SEMA3C: variants seen among roughly 807,000 people sequenced by gnomAD.
The protein encoded by SEMA3C is semaphorin-3C.
A neutral mutation model predicts 89.4 loss-of-function variants in SEMA3C; 47 were observed. The ratio of observed to expected loss-of-function variants is 0.53; its 90% CI spans 0.42 to 0.67. The LOEUF (loss-of-function observed/expected upper bound fraction) is 0.67. Ranked by LOEUF, SEMA3C falls within the 30% of genes least tolerant of loss-of-function variation. SEMA3C has a pLI of 0.00. For missense variants in SEMA3C, 839 were observed against 929.1 expected (o/e 0.90, Z 1.26); for synonymous variants, 310 against 320.2 (o/e 0.97, Z 0.34).
chr7:80,910,928 T>G (rs998955775), intron 2 of SEMA3C, among the ~76,000 whole-genome samples: 3 of 152,070 alleles, frequency 2.0e-5, no homozygotes, highest in African/African-American at 7.2e-5. Context: ...ATTTGCATAA[T>G]GAAATGAGGA....
intron 2 of SEMA3C, among the ~76,000 whole-genome samples, chr7:80,892,958 G>A (rs1583985431): frequency 6.6e-6 from 1 of 152,024 alleles, no homozygotes; most frequent in South Asian, 2.1e-4. Context: ...TTTCTTCATT[G>A]ATAAAGATAG....
rs112982957 is a variant in SEMA3C, at chr7:80,770,470, C to T, written c.1355-5227G>A. On this transcript the variant is annotated intron_variant, in intron 12 of 17. Transcript: ENST00000265361. ...CACCATGTCTATGATATGGTTACAG[C>T]GAAGCTGTCACTTCTTTTTTTCTTT... Among the ~76,000 whole-genome samples, 527 of 152,296 alleles carry T rather than the reference C, an allele frequency of 3.5e-3. 3 individuals are homozygous for T. The highest frequency in any genetic ancestry group is 0.012 in the African/African-American group (504 of 41,562).
intron 4 of SEMA3C, among the ~76,000 whole-genome samples, chr7:80,826,092 A>T (rs558595885): frequency 6.6e-6 from 1 of 152,244 alleles, no homozygotes; most frequent in Non-Finnish European, 1.5e-5. Context: ...TACCCTCCAG[A>T]GTCTTCCATG....
At chr7:80,861,894 C>T (rs145458789) in intron 2 of SEMA3C, among the ~76,000 whole-genome samples, 1 of 152,102 alleles carries the variant, frequency 6.6e-6, no homozygotes, top group Non-Finnish European at 1.5e-5. Flanking sequence ...ATCCAGCATC[C>T]CTTTATGATT....
chr7:80,827,510 G>A, intron 3 of SEMA3C, 23 bp from the exon 4 acceptor site: 3 of 1,586,148 alleles, frequency 1.9e-6, no homozygotes, highest in Non-Finnish European at 2.6e-6. Context: ...AAAAATAAAG[G>A]TTGCATAATC....
intron 15 of SEMA3C, among the ~76,000 whole-genome samples, chr7:80,751,775 T>C (rs541687760): frequency 2.0e-5 from 3 of 152,310 alleles, no homozygotes; most frequent in Non-Finnish European, 4.4e-5. Context: ...CAAAAGTCAA[T>C]GTTTTCTGTT....
intron 2 of SEMA3C, among the ~76,000 whole-genome samples, chr7:80,859,728 T>C (rs902594321): frequency 1.3e-5 from 2 of 152,154 alleles, no homozygotes; most frequent in African/African-American, 4.8e-5. Flanking sequence ...TTAGCTGTCT[T>C]TTGAGTCCAC....
At position 80,777,340 on chromosome 7, in the gene SEMA3C, A is replaced by C. The variant is rs542477598; in HGVS notation, c.1354+11966T>G. On this transcript the variant is annotated intron_variant, in intron 12 of 17. Transcript: ENST00000265361. ...GGCGTCTGGCTCTGTCACCCAAGCT[A>C]GAGTACAGTGGCACAATCTCAGCTC... 1.8e-4 allele frequency among the ~76,000 whole-genome samples: 27 copies of C among 152,142 alleles called. No homozygotes were observed. In the South Asian group the frequency reaches 4.8e-3, roughly 27 times the overall value.
chr7:80,750,455 TATATATATATATATATATACAC>T (rs1223339911), intron 16 of SEMA3C, among the ~76,000 whole-genome samples: 2 of 61,392 alleles, frequency 3.3e-5, no homozygotes, highest in African/African-American at 6.0e-5. Context: ...TATATATATA[TATATATATATATATATATACAC>T]ACACACACAC....
intron 11 of SEMA3C, among the ~76,000 whole-genome samples, chr7:80,793,710 A>G (rs1173939694): frequency 1.3e-5 from 2 of 151,948 alleles, no homozygotes; most frequent in Non-Finnish European, 2.9e-5. Flanking sequence ...CAAAATTTAG[A>G]GTATTTAGAG....
At chr7:80,833,484 GAA>G (rs1380132869) in intron 2 of SEMA3C, among the ~76,000 whole-genome samples, 2 of 151,714 alleles carry the variant, frequency 1.3e-5, no homozygotes, top group East Asian at 3.9e-4. Flanking sequence ...AGAAAGAAAA[GAA>G]AAGAAAATCG....
At chr7:80,757,169 A>G in intron 15 of SEMA3C, among the ~76,000 whole-genome samples, 1 of 152,202 alleles carries the variant, frequency 6.6e-6, no homozygotes, top group East Asian at 1.9e-4. Flanking sequence ...AAAACCATAA[A>G]GCACCATCAC....
chr7:80,825,525 A>G (rs536219251), intron 4 of SEMA3C, among the ~76,000 whole-genome samples: 1 of 152,324 alleles, frequency 6.6e-6, no homozygotes, highest in East Asian at 1.9e-4. Context: ...AAAGCAAAAC[A>G]AAAACCCCAG....
In SEMA3C at chr7:80,765,389, G is replaced by C. The variant is rs1227295198; in HGVS notation, c.1355-146C>G. On this transcript the variant is annotated intron_variant, in intron 12 of 17. Transcript: ENST00000265361. ...ATGTATTAAGCCACTGCCATGTGCT[G>C]AATGTATTCCAAATCTCATAAAAAT... The C allele has an allele frequency of 5.3e-6, 3 of 562,108 alleles. No homozygotes were observed. The African/African-American group carries it at 5.8e-5, about 11-fold the overall frequency. 34.8% of individuals were successfully genotyped at this position (562,108 alleles called of 1,614,324 possible).
chr7:80,836,429 G>A (rs1359078377), intron 2 of SEMA3C, among the ~76,000 whole-genome samples: 1 of 152,196 alleles, frequency 6.6e-6, no homozygotes, highest in African/African-American at 2.4e-5. Flanking sequence ...TGTAATCCCA[G>A]CACTTTGGGA....
At chr7:80,900,215 G>A (rs1040640519) in intron 2 of SEMA3C, among the ~76,000 whole-genome samples, 7 of 151,950 alleles carry the variant, frequency 4.6e-5, no homozygotes, top group Middle Eastern at 6.8e-3. Context: ...CCGGGTTCAC[G>A]CCATTCTCCC....
At chr7:80,872,314 C>A (rs1465117182) in intron 2 of SEMA3C, among the ~76,000 whole-genome samples, 1 of 152,034 alleles carries the variant, frequency 6.6e-6, no homozygotes, top group African/African-American at 2.4e-5. Context: ...CCGTGTCCAG[C>A]CAGTTTTTTT....
At chr7:80,752,368 T>C (rs1405130388) in intron 15 of SEMA3C, among the ~76,000 whole-genome samples, 1 of 152,098 alleles carries the variant, frequency 6.6e-6, no homozygotes, top group African/African-American at 2.4e-5. Context: ...TCCCAGCACT[T>C]TGGGAGGCTG....
chr7:80,845,315 C>T (rs560898794), intron 2 of SEMA3C, among the ~76,000 whole-genome samples: 2 of 152,060 alleles, frequency 1.3e-5, no homozygotes, highest in African/African-American at 4.8e-5. Flanking sequence ...TTTTTTGAAA[C>T]GTGCATTTCC....
Sources: gnomAD v4.1 joint callset for allele counts (sites outside exome capture counted in the v4.1 genomes callset) on GRCh38, gnomAD v4.1.1 for gene constraint, MANE v1.5 for transcripts, NCBI Gene and HGNC (gene_info 2026-07-23, HGNC 2026-07-21) for gene names.